CTNND2: variants seen among roughly 807,000 people sequenced by gnomAD.
The protein encoded by CTNND2 is catenin delta-2.
CTNND2 carries 22 observed loss-of-function variants against 144.4 expected under a neutral mutation model. That is an observed-to-expected ratio of 0.15 (90% CI 0.11 to 0.22). The LOEUF is 0.22. CTNND2 is among the 10% of genes least tolerant of loss of function. CTNND2 has a pLI of 1.00. For missense variants in CTNND2, 1,353 were observed against 1,618.8 expected, an observed-to-expected ratio of 0.84 and a Z score of 2.82; for synonymous variants, 751 against 695.6, an observed-to-expected ratio of 1.08 and a Z score of -1.25.
intron 9 of CTNND2, among the ~76,000 whole-genome samples, chr5:11,311,924 G>A (rs530127086): frequency 0.013 from 679 of 50,468 alleles, 8 homozygotes; most frequent in African/African-American, 0.046. Context: ...ATACATCCTC[G>A]CCCCCCACAC....
At chr5:11,252,773 T>C (rs540423164) in intron 9 of CTNND2, among the ~76,000 whole-genome samples, 1 of 152,338 alleles carries the variant, frequency 6.6e-6, no homozygotes, top group South Asian at 2.1e-4. Flanking sequence ...ACACTTTTTG[T>C]TACTATTTTT....
At chr5:11,111,192 C>G in intron 13 of CTNND2, 149 bp from the exon 14 acceptor site, 1 of 751,902 alleles carries the variant, frequency 1.3e-6, no homozygotes, top group Non-Finnish European at 2.1e-6. Flanking sequence ...CTGATGGCCA[C>G]AGTGGAAAAC....
intron 3 of CTNND2, among the ~76,000 whole-genome samples, chr5:11,485,034 CA>C (rs199694031): frequency 3.5e-4 from 53 of 150,278 alleles, no homozygotes; most frequent in Admixed American, 7.9e-4. Flanking sequence ...AACAAATTTT[CA>C]AAAAAAAATG....
chr5:11,580,405 G>A (rs190178429), intron 2 of CTNND2, among the ~76,000 whole-genome samples: 1 of 152,326 alleles, frequency 6.6e-6, no homozygotes, highest in Non-Finnish European at 1.5e-5. Context: ...TACATAACAA[G>A]TGTACATTAT....
chr5:11,662,263 G>GTATATATATACA (rs1380327036), intron 2 of CTNND2, among the ~76,000 whole-genome samples: 1 of 123,100 alleles, frequency 8.1e-6, no homozygotes, highest in African/African-American at 3.8e-5. Flanking sequence ...GTGTATATAT[G>GTATATATATACA]TGTGTGTGTG....
At chr5:11,890,017 A>G (rs1736838029) in intron 1 of CTNND2, among the ~76,000 whole-genome samples, 1 of 152,220 alleles carries the variant, frequency 6.6e-6, no homozygotes, top group Non-Finnish European at 1.5e-5. Flanking sequence ...CTTTGAGAAA[A>G]TAAATCTACT....
At chr5:11,044,309 CAGG>C in intron 16 of CTNND2, among the ~76,000 whole-genome samples, 1 of 152,280 alleles carries the variant, frequency 6.6e-6, no homozygotes. Flanking sequence ...GCTAGGATTG[CAGG>C]AGCCTACACA....
intron 16 of CTNND2, among the ~76,000 whole-genome samples, chr5:11,075,677 G>A (rs1360920832): frequency 1.3e-5 from 2 of 152,228 alleles, no homozygotes; most frequent in Non-Finnish European, 2.9e-5. Flanking sequence ...TGTGAGCTCC[G>A]CCAGTACCCG....
chr5:11,861,701 G>A (rs1795512201), intron 1 of CTNND2, among the ~76,000 whole-genome samples: 1 of 152,186 alleles, frequency 6.6e-6, no homozygotes, highest in Admixed American at 6.5e-5. Context: ...AAACTCTGCA[G>A]TGTGAAAGCC....
Position 10,988,221 on chromosome 5 carries a change from C to G in CTNND2, c.3233G>C (p.Arg1078Pro), listed in dbSNP as rs746666495. 10 of 1,613,968 alleles carry G rather than the reference C, an allele frequency of 6.2e-6. No homozygotes were observed. In the African/African-American group the frequency reaches 9.3e-5, roughly 15 times the overall value. Reference protein sequence around the residue: ...NRSASAPASPREMISLKERKT... With the variant: ...NRSASAPASPPEMISLKERKT... ...CCTTTCTTTGAGGCTGATCATTTCC[C>G]GAGGTGAAGCTGGGGCACTTGCTAC... Residue 1078 changes from arginine to proline, a missense_variant, in exon 20 of 22, where the codon CGG becomes CCG. Transcript: ENST00000304623. This position sits in a 1 kb window ranked among gnomAD's most constrained non-coding sequence, Gnocchi z 5.9.
intron 15 of CTNND2, among the ~76,000 whole-genome samples, chr5:11,098,253 A>G (rs1365594535): frequency 6.6e-6 from 1 of 152,190 alleles, no homozygotes; most frequent in Non-Finnish European, 1.5e-5. Flanking sequence ...GCTTTGAAAA[A>G]ATATCAACCT....
intron 2 of CTNND2, among the ~76,000 whole-genome samples, chr5:11,611,530 C>A (rs6875290): frequency 1.3e-5 from 2 of 152,160 alleles, no homozygotes; most frequent in Admixed American, 6.5e-5. Flanking sequence ...GTAATCCTAG[C>A]GCTTTAGGAG....
intron 16 of CTNND2, among the ~76,000 whole-genome samples, chr5:11,033,631 C>G (rs956753534): frequency 1.3e-5 from 2 of 152,060 alleles, no homozygotes; most frequent in African/African-American, 4.8e-5. Context: ...GAGTTCGAGA[C>G]CAGCTTGGCC....
At chr5:11,656,114 T>C (rs1264193808) in intron 2 of CTNND2, among the ~76,000 whole-genome samples, 1 of 152,120 alleles carries the variant, frequency 6.6e-6, no homozygotes, top group East Asian at 1.9e-4. Flanking sequence ...GAACCATAAA[T>C]TGGCATGAGA....
intron 3 of CTNND2, among the ~76,000 whole-genome samples, chr5:11,464,512 G>A (rs1766491966): frequency 6.6e-6 from 1 of 152,102 alleles, no homozygotes; most frequent in South Asian, 2.1e-4. Flanking sequence ...AGACAACTAG[G>A]GCACAGTCAT....
At chr5:11,618,682 G>A (rs1780693402) in intron 2 of CTNND2, among the ~76,000 whole-genome samples, 1 of 152,046 alleles carries the variant, frequency 6.6e-6, no homozygotes, top group African/African-American at 2.4e-5. Context: ...CCACTGCATG[G>A]TACAGTTTAC....
intron 1 of CTNND2, among the ~76,000 whole-genome samples, chr5:11,749,239 TTCTTGAC>T (rs1292948999): frequency 6.6e-6 from 1 of 152,058 alleles, no homozygotes; most frequent in Non-Finnish European, 1.5e-5. Flanking sequence ...GGCTCCTAGA[TTCTTGAC>T]TCACAGAATC....
intron 11 of CTNND2, among the ~76,000 whole-genome samples, chr5:11,167,465 G>A (rs1359255923): frequency 6.6e-6 from 1 of 152,072 alleles, no homozygotes; most frequent in East Asian, 1.9e-4. Context: ...GCAAATTCTG[G>A]CTTAAACTGA....
At chr5:11,424,361 C>T (rs556542667) in intron 3 of CTNND2, among the ~76,000 whole-genome samples, 11 of 152,096 alleles carry the variant, frequency 7.2e-5, no homozygotes, top group Admixed American at 6.5e-4. Context: ...AGGGGTAGCA[C>T]GGGGGAGACT....
Sources: allele counts gnomAD v4.1 joint callset (sites outside exome capture counted in the v4.1 genomes callset), GRCh38; gene constraint gnomAD v4.1.1; non-coding constraint Gnocchi (gnomAD v3.1); transcripts MANE v1.5; gene names NCBI Gene and HGNC (gene_info 2026-07-23, HGNC 2026-07-21).